The following CDH18 variants were observed in gnomAD, a reference collection of about 807,000 sequenced individuals.
CDH18 encodes cadherin-18.
CDH18 carries 31 observed loss-of-function variants against 67.9 expected under a neutral mutation model. The observed-to-expected ratio is 0.46, with a 90% CI of 0.34 to 0.62. The LOEUF is 0.62. Ranked by LOEUF, CDH18 falls within the 20% of genes least tolerant of loss-of-function variation. CDH18 has a pLI of 0.01. For synonymous variants in CDH18, 362 were observed against 347.2 expected, an observed-to-expected ratio of 1.04 and a Z score of -0.48; for missense variants, 890 against 975.5, an observed-to-expected ratio of 0.91 and a Z score of 1.17.
chr5:20,140,961 T>C (rs184058925), intron 2 of CDH18, among the ~76,000 whole-genome samples: 22 of 152,256 alleles, frequency 1.4e-4, no homozygotes, highest in African/African-American at 5.1e-4. Context: ...CTCACAAAAT[T>C]TGCACATACT....
intron 1 of CDH18, among the ~76,000 whole-genome samples, chr5:20,292,673 A>C (rs1747190347): frequency 6.6e-6 from 1 of 152,110 alleles, no homozygotes; most frequent in Non-Finnish European, 1.5e-5. Flanking sequence ...AACGTGTTCC[A>C]TGCTTTTTTT....
chr5:20,139,540 A>G (rs985961323), intron 2 of CDH18, among the ~76,000 whole-genome samples: 1 of 152,196 alleles, frequency 6.6e-6, no homozygotes, highest in African/African-American at 2.4e-5. Context: ...AACCTACAGA[A>G]TGGGAGAAAA....
intron 2 of CDH18, among the ~76,000 whole-genome samples, chr5:19,842,906 C>A (rs1782503427): frequency 6.6e-6 from 1 of 152,060 alleles, no homozygotes; most frequent in East Asian, 1.9e-4. Context: ...TATGTTTCAG[C>A]AAAGAGACTG....
rs912472326 is a variant in CDH18, at chr5:19,999,591, A to G, written c.-517-7577T>C. ...CGCTCCAGGCTGGGCAAAAAGAATGAAACTCTGTCTCAAAAATAATAATAA... is the reference window on the plus strand; with the variant it reads ...CGCTCCAGGCTGGGCAAAAAGAATGGAACTCTGTCTCAAAAATAATAATAA... On this transcript the variant is annotated intron_variant, in intron 2 of 14. Coordinates refer to the CDH18 transcript ENST00000507958. Among the ~76,000 whole-genome samples, 4 of 152,266 alleles carry G rather than the reference A, an allele frequency of 2.6e-5. No individual in the cohort carries two copies. In the East Asian group the frequency reaches 7.7e-4, roughly 29 times the overall value.
At chr5:19,911,540 A>G (rs559203823) in intron 2 of CDH18, among the ~76,000 whole-genome samples, 2 of 152,170 alleles carry the variant, frequency 1.3e-5, no homozygotes, top group Admixed American at 6.5e-5. Context: ...AGATGAGGTT[A>G]TGACGGTGAT....
At chr5:19,481,181 T>A (rs1739359066) in intron 12 of CDH18, among the ~76,000 whole-genome samples, 1 of 152,170 alleles carries the variant, frequency 6.6e-6, no homozygotes, top group Non-Finnish European at 1.5e-5. Flanking sequence ...AGTGATCACA[T>A]TGTAGTTTCT....
At chr5:20,535,501 C>T (rs922791433) in intron 1 of CDH18, among the ~76,000 whole-genome samples, 1 of 152,108 alleles carries the variant, frequency 6.6e-6, no homozygotes, top group African/African-American at 2.4e-5. Flanking sequence ...TTTATTTCCA[C>T]CTGTGAAGTC....
At chr5:19,853,875 T>C (rs1400840478) in intron 2 of CDH18, among the ~76,000 whole-genome samples, 2 of 152,084 alleles carry the variant, frequency 1.3e-5, no homozygotes, top group Non-Finnish European at 2.9e-5. Context: ...ACTATAAATA[T>C]ATGAGGGTGG....
chr5:20,196,808 A>T (rs890379611), intron 2 of CDH18, among the ~76,000 whole-genome samples: 3 of 152,134 alleles, frequency 2.0e-5, no homozygotes, highest in Admixed American at 1.3e-4. Flanking sequence ...ATTTACAGAT[A>T]CCTCATCCAC....
chr5:20,424,295 C>T (rs953038291), intron 1 of CDH18, among the ~76,000 whole-genome samples: 3 of 150,754 alleles, frequency 2.0e-5, no homozygotes, highest in Non-Finnish European at 4.4e-5. Context: ...TTGTTTTCAT[C>T]GAGAGGATCT....
intron 4 of CDH18, among the ~76,000 whole-genome samples, chr5:19,724,864 G>A (rs544360568): frequency 6.6e-6 from 1 of 151,426 alleles, no homozygotes; most frequent in South Asian, 2.1e-4. Context: ...TCCTGAGCTG[G>A]TCACATATAG....
At chr5:20,288,303 TA>T (rs1746840551) in intron 1 of CDH18, among the ~76,000 whole-genome samples, 1 of 151,706 alleles carries the variant, frequency 6.6e-6, no homozygotes. Context: ...ATGTACAAGA[TA>T]AAAATATGGT....
chr5:19,734,050 T>A (rs1179798533), intron 4 of CDH18, among the ~76,000 whole-genome samples: 1 of 152,230 alleles, frequency 6.6e-6, no homozygotes, highest in African/African-American at 2.4e-5. Context: ...CTGTGTCACC[T>A]TTATGCTGTT....
chr5:19,911,904 C>T (rs1473069814), intron 2 of CDH18, among the ~76,000 whole-genome samples: 1 of 152,058 alleles, frequency 6.6e-6, no homozygotes, highest in Non-Finnish European at 1.5e-5. Flanking sequence ...AAACAGGGAA[C>T]CATGGAACAG....
At chr5:20,403,041 G>C (rs529183710) in intron 1 of CDH18, among the ~76,000 whole-genome samples, 1 of 150,152 alleles carries the variant, frequency 6.7e-6, no homozygotes, top group Non-Finnish European at 1.5e-5. Flanking sequence ...AAAATAGCGA[G>C]GTGTGGTGGC....
intron 8 of CDH18, among the ~76,000 whole-genome samples, chr5:19,556,400 C>A (rs1157411161): frequency 6.6e-6 from 1 of 152,012 alleles, no homozygotes; most frequent in Non-Finnish European, 1.5e-5. Flanking sequence ...ATGGAAAAAT[C>A]TCCAGTGAAT....
chr5:19,946,900 T>G (rs1000306279), intron 2 of CDH18, among the ~76,000 whole-genome samples: 1 of 151,860 alleles, frequency 6.6e-6, no homozygotes, highest in African/African-American at 2.4e-5. Flanking sequence ...TCAAGTGGGG[T>G]TTATTCAAGA....
intron 1 of CDH18, among the ~76,000 whole-genome samples, chr5:20,383,670 T>C (rs575496090): frequency 1.3e-5 from 2 of 152,162 alleles, no homozygotes; most frequent in African/African-American, 2.4e-5. Context: ...TTTGCTGTTA[T>C]ACCAAAATGC....
At chr5:19,659,193 T>C (rs1237216819) in intron 5 of CDH18, among the ~76,000 whole-genome samples, 1 of 152,114 alleles carries the variant, frequency 6.6e-6, no homozygotes, top group African/African-American at 2.4e-5. Context: ...ATTGTCCTTC[T>C]ACATTCTATA....
Sources: gnomAD v4.1 joint callset for allele counts (sites outside exome capture counted in the v4.1 genomes callset) on GRCh38, gnomAD v4.1.1 for gene constraint, MANE v1.5 for transcripts, NCBI Gene and HGNC (gene_info 2026-07-23, HGNC 2026-07-21) for gene names.